TDRD5: variants seen among roughly 807,000 people sequenced by gnomAD.
TDRD5 encodes the protein tudor domain containing 5.
A neutral mutation model predicts 120.6 loss-of-function variants in TDRD5; 41 were observed. That is an observed-to-expected ratio of 0.34 (90% confidence interval 0.26 to 0.44). The LOEUF (loss-of-function observed/expected upper bound fraction) is 0.44, where lower values mean the gene tolerates loss of function less well. TDRD5 is among the 20% of genes least tolerant of loss of function. TDRD5 has a pLI of 1.00. For synonymous variants in TDRD5, 430 were observed against 433.7 expected (o/e 0.99, Z 0.11); for missense variants, 1,006 against 1,221.2 (o/e 0.82, Z 2.63).
chr1:179,656,160 C>T (rs530909339), intron 14 of TDRD5, among the ~76,000 whole-genome samples: 1 of 152,280 alleles, frequency 6.6e-6, no homozygotes, highest in Admixed American at 6.5e-5. Flanking sequence ...AGTATCACAG[C>T]ATGATTTTAA....
intron 4 of TDRD5, among the ~76,000 whole-genome samples, chr1:179,597,077 G>A (rs1384686914): frequency 3.9e-5 from 6 of 152,082 alleles, no homozygotes; most frequent in African/African-American, 4.8e-5. Context: ...TTTCACATGC[G>A]TGTTTGCCAT....
chr1:179,593,460 C>A lies in TDRD5; in HGVS notation c.233C>A (p.Ala78Asp). 6.2e-7 allele frequency: 1 copy of A among 1,610,602 alleles called. No homozygotes were observed. ...ATGATTTCTATTTTTCACGTCTCAG[C>A]CATTCCAGATGAATCTACCAAAGGA... The part of the protein sequence containing the change: ...PGAGGTVILK[A>D]IPDESTKGIA... The change falls in exon 3 of 18, where the codon GCC (alanine) becomes GAC (aspartate). Residue 78 changes from alanine to aspartate, a missense_variant and splice_region_variant. This residue lies in a region of TDRD5 where 445 missense variants were observed against 515.5 expected (regional missense o/e 0.86). Coordinates refer to ENST00000444136, the MANE Select transcript of TDRD5 (RefSeq NM_001199085.3).
At chr1:179,637,253 A>G (rs1458944031) in intron 9 of TDRD5, among the ~76,000 whole-genome samples, 3 of 152,222 alleles carry the variant, frequency 2.0e-5, no homozygotes, top group Non-Finnish European at 2.9e-5. Flanking sequence ...GTAAAAATAT[A>G]TATTCCATTC....
chr1:179,630,741 A>G, intron 6 of TDRD5, 26 bp from the exon 7 acceptor site: 1 of 1,608,696 alleles, frequency 6.2e-7, no homozygotes, highest in South Asian at 1.1e-5. Flanking sequence ...ATGCTGTTTC[A>G]TGTAATTTCT....
chr1:179,667,480 A>G (rs1463953563), intron 16 of TDRD5, among the ~76,000 whole-genome samples: 7 of 152,170 alleles, frequency 4.6e-5, no homozygotes, highest in African/African-American at 1.7e-4. Context: ...CTGACTAGCA[A>G]GTTTAAACAA....
At chr1:179,626,922 T>C (rs914025061) in intron 6 of TDRD5, among the ~76,000 whole-genome samples, 1 of 152,184 alleles carries the variant, frequency 6.6e-6, no homozygotes, top group African/African-American at 2.4e-5. Context: ...TTTGAGGCTA[T>C]GTGTTTTGAA....
chr1:179,669,142 A>C, intron 16 of TDRD5, 52 bp from the exon 17 acceptor site: 4 of 1,500,146 alleles, frequency 2.7e-6, no homozygotes, highest in Non-Finnish European at 3.6e-6. Context: ...GGGCTTAATT[A>C]TTCTTATACT....
chr1:179,603,540 G>A (rs1369680641), intron 4 of TDRD5, among the ~76,000 whole-genome samples: 1 of 152,110 alleles, frequency 6.6e-6, no homozygotes, highest in African/African-American at 2.4e-5. Flanking sequence ...ATTACATTGA[G>A]CTATGTCCCT....
chr1:179,661,389 T>G lies in TDRD5; in HGVS notation c.2323-715T>G, dbSNP rs539112142. ...GTTTTTTGTTTGGTTGTTTTTTTTGTTTTTTTCCCCCCAATCTTTTTTTCT... is the reference window on the plus strand; with the variant it reads ...GTTTTTTGTTTGGTTGTTTTTTTTGGTTTTTTCCCCCCAATCTTTTTTTCT... On this transcript the variant is annotated intron_variant, in intron 14 of 17. Coordinates refer to ENST00000444136, the MANE Select transcript of TDRD5 (RefSeq NM_001199085.3). 9.3e-5 allele frequency among the ~76,000 whole-genome samples: 14 copies of G among 150,372 alleles called. No homozygotes were observed. The East Asian group carries it at 2.4e-3, about 25-fold the overall frequency.
chr1:179,660,447 C>G (rs1486166847), intron 14 of TDRD5, among the ~76,000 whole-genome samples: 1 of 151,868 alleles, frequency 6.6e-6, no homozygotes, highest in Non-Finnish European at 1.5e-5. Context: ...GTCTCAATCT[C>G]CTGACCTCAT....
intron 7 of TDRD5, 101 bp from the exon 8 acceptor site, chr1:179,634,356 T>G (rs1677639917): frequency 8.2e-7 from 1 of 1,225,586 alleles, no homozygotes. Context: ...GTGTTGAAGG[T>G]GCTTAGTAAT....
At chr1:179,639,721 CAA>C (rs1436640035) in intron 9 of TDRD5, 116 bp from the exon 10 acceptor site, 7 of 1,045,730 alleles carry the variant, frequency 6.7e-6, no homozygotes, top group Non-Finnish European at 9.7e-6. Context: ...AACAATTTGA[CAA>C]AGTCAATTTT....
chr1:179,671,799 C>T (rs927391923), intron 17 of TDRD5, among the ~76,000 whole-genome samples: 1 of 152,162 alleles, frequency 6.6e-6, no homozygotes, highest in Admixed American at 6.5e-5. Flanking sequence ...TTTGCGTCCT[C>T]ATAGCTTAGC....
At chr1:179,608,087 C>A (rs1458683494) in intron 4 of TDRD5, among the ~76,000 whole-genome samples, 1 of 151,676 alleles carries the variant, frequency 6.6e-6, no homozygotes, top group African/African-American at 2.4e-5. Flanking sequence ...GTTTTTGCCC[C>A]CTTTTAGTGC....
chr1:179,614,735 A>G (rs1256639800), intron 4 of TDRD5, among the ~76,000 whole-genome samples: 1 of 151,874 alleles, frequency 6.6e-6, no homozygotes, highest in Non-Finnish European at 1.5e-5. Flanking sequence ...CTTTTGTGAC[A>G]CTCGGGGGAG....
intron 17 of TDRD5, among the ~76,000 whole-genome samples, chr1:179,672,435 A>C (rs957572483): frequency 1.3e-5 from 2 of 151,780 alleles, no homozygotes; most frequent in African/African-American, 4.8e-5. Flanking sequence ...TGTCTATTCA[A>C]GTCCTTTGGG....
chr1:179,689,051 C>T (rs748090790), intron 17 of TDRD5, among the ~76,000 whole-genome samples: 1 of 152,198 alleles, frequency 6.6e-6, no homozygotes, highest in African/African-American at 2.4e-5. Context: ...CTTCTCTCAA[C>T]TCGTCAAAGT....
intron 3 of TDRD5, 89 bp downstream of exon 3, chr1:179,593,956 T>G: frequency 1.3e-6 from 2 of 1,482,312 alleles, no homozygotes; most frequent in South Asian, 1.4e-5. Context: ...AGTTGAAGCC[T>G]GGCTCTACTA....
chr1:179,635,345 A>G (rs1572377991), intron 8 of TDRD5, among the ~76,000 whole-genome samples: 1 of 152,160 alleles, frequency 6.6e-6, no homozygotes, highest in Non-Finnish European at 1.5e-5. Context: ...TTCAGCCTGG[A>G]TGTTTGAAGT....
Sources: gnomAD v4.1 joint callset for allele counts (sites outside exome capture counted in the v4.1 genomes callset) on GRCh38, gnomAD v4.1.1 for gene constraint, gnomAD v4.1.1 regional missense constraint, MANE v1.5 for transcripts, NCBI Gene and HGNC (gene_info 2026-07-23, HGNC 2026-07-21) for gene names.